Variants in CFAP77 observed in about 807,000 individuals in gnomAD.
CFAP77 encodes the protein cilia- and flagella-associated protein 77.
In CFAP77, 25 loss-of-function variants were observed where a neutral mutation model predicts 31.1. The ratio of observed to expected loss-of-function variants is 0.80; its 90% confidence interval spans 0.59 to 1.12. The LOEUF (loss-of-function observed/expected upper bound fraction) is 1.12. Among genes scored for constraint, CFAP77 ranks in the 50% most tolerant of loss-of-function variants. CFAP77 has a pLI of 0.00. For missense variants in CFAP77, 377 were observed against 397.3 expected, an observed-to-expected ratio of 0.95 and a Z score of 0.44; for synonymous variants, 151 against 159.9, an observed-to-expected ratio of 0.94 and a Z score of 0.42.
At chr9:132,489,359 G>T (rs1393299039) in intron 1 of CFAP77, among the ~76,000 whole-genome samples, 3 of 152,138 alleles carry the variant, frequency 2.0e-5, no homozygotes. Context: ...TGTGAGTATT[G>T]GGGCGTGGCT....
At chr9:132,485,985 C>CATATATATATATATATAT (rs61265124) in intron 1 of CFAP77, among the ~76,000 whole-genome samples, 1 of 53,572 alleles carries the variant, frequency 1.9e-5, no homozygotes, top group Non-Finnish European at 3.3e-5. Context: ...ACACACACCT[C>CATATATATATATATATAT]ATATATATAT....
rs564390091 is a variant in CFAP77, at chr9:132,468,827, C to T, written c.196-29868C>T. On this transcript the variant is annotated intron_variant, in intron 1 of 5. Coordinates refer to ENST00000393216, the MANE Select transcript of CFAP77 (RefSeq NM_001282957.2). ...CACACACACGCACGCACACACGGCA[C>T]CCATGTGGTCAAGTTTAACTCTCAG... 5.9e-5 allele frequency among the ~76,000 whole-genome samples: 9 copies of T among 151,974 alleles called. No individual in the cohort carries two copies. The South Asian group carries it at 1.9e-3, about 32-fold the overall frequency.
chr9:132,526,616 TA>T (rs1852369853), intron 3 of CFAP77, among the ~76,000 whole-genome samples: 1 of 128,396 alleles, frequency 7.8e-6, no homozygotes, highest in Non-Finnish European at 1.8e-5. Flanking sequence ...GCAAGACTAA[TA>T]AAGAAAAAAA....
Position 132,455,145 on chromosome 9 carries a change from G to A in CFAP77, c.196-43550G>A, listed in dbSNP as rs1850890309. On this transcript the variant is annotated intron_variant, in intron 1 of 5. Transcript: ENST00000393216. The surrounding 1 kb of genome is among the most constrained non-coding windows in gnomAD (Gnocchi z 4.1). ...CCCTTTCCTAGGCTTTATCAGGCCT[G>A]GGACCTTGTTGATGGCAATACCATC... Among the ~76,000 whole-genome samples the A allele has an allele frequency of 6.6e-6, 1 of 152,168 alleles. No homozygotes were observed. The highest frequency in any genetic ancestry group is 1.5e-5 in the Non-Finnish European group (1 of 68,030).
rs199760921 is a variant in CFAP77, at chr9:132,554,935, T to C, written c.732+11888T>C. Among the ~76,000 whole-genome samples, 214 of 132,088 alleles carry C rather than the reference T, an allele frequency of 1.6e-3. No homozygotes were observed. Among genetic ancestry groups the C allele is most frequent in the Non-Finnish European group, 2.2e-3 (136 of 62,754 alleles). The allele number at this position is 132,088 out of a possible 152,430, so 86.7% of individuals were successfully genotyped here. A position where few individuals can be genotyped will look rare whatever the true frequency, so the allele number is the denominator to read the frequency against. ...ATGCATGCATGCATGCATCCATCCA[T>C]CCACCCATCCATCCATCCATCCATC... On this transcript the variant is annotated intron_variant, in intron 5 of 5. Transcript: ENST00000393216. This position sits in a 1 kb window ranked among gnomAD's most constrained non-coding sequence, Gnocchi z 4.1.
chr9:132,486,020 A>ATGTATG (rs1252191825), intron 1 of CFAP77, among the ~76,000 whole-genome samples: 1 of 43,066 alleles, frequency 2.3e-5, no homozygotes, highest in Non-Finnish European at 3.7e-5. Flanking sequence ...ATATATATAT[A>ATGTATG]TATATATATA....
intron 1 of CFAP77, among the ~76,000 whole-genome samples, chr9:132,415,627 A>G (rs1850083007): frequency 6.6e-6 from 1 of 152,222 alleles, no homozygotes; most frequent in African/African-American, 2.4e-5. Context: ...CCTCCAGGAA[A>G]AATTCTGAGG....
intron 1 of CFAP77, among the ~76,000 whole-genome samples, chr9:132,486,216 C>A (rs1851555918): frequency 6.8e-6 from 1 of 148,116 alleles, no homozygotes; most frequent in South Asian, 2.1e-4. Context: ...CCTCAGCCTC[C>A]CGAGTAGCTG....
intron 1 of CFAP77, among the ~76,000 whole-genome samples, chr9:132,438,856 G>T: frequency 6.7e-6 from 1 of 150,030 alleles, no homozygotes; most frequent in African/African-American, 2.4e-5. Flanking sequence ...TTTGTTTCTT[G>T]TTTTTTCTTT....
intron 3 of CFAP77, among the ~76,000 whole-genome samples, chr9:132,524,712 G>C (rs1249546229): frequency 2.0e-5 from 3 of 151,746 alleles, no homozygotes; most frequent in Non-Finnish European, 2.9e-5. Context: ...GCAGTGGCGT[G>C]ATCTCGGCTC....
intron 1 of CFAP77, among the ~76,000 whole-genome samples, chr9:132,432,595 G>C (rs1165940006): frequency 6.6e-6 from 1 of 150,798 alleles, no homozygotes; most frequent in East Asian, 2.0e-4. Flanking sequence ...GCAGTGGTGC[G>C]ATCTTAGCTC....
At chr9:132,411,526 CA>C (rs1429455033) in intron 1 of CFAP77, among the ~76,000 whole-genome samples, 1 of 152,206 alleles carries the variant, frequency 6.6e-6, no homozygotes, top group African/African-American at 2.4e-5. Flanking sequence ...GCGCAGGCTG[CA>C]CCTGGGGGAG....
At chr9:132,560,663 A>T (rs1002444670) in intron 5 of CFAP77, among the ~76,000 whole-genome samples, 1 of 152,188 alleles carries the variant, frequency 6.6e-6, no homozygotes, top group Admixed American at 6.5e-5. Flanking sequence ...ACAGCTCTGC[A>T]TTCCAGTTGG....
intron 3 of CFAP77, among the ~76,000 whole-genome samples, chr9:132,509,927 A>G (rs923357962): frequency 2.0e-5 from 3 of 152,068 alleles, no homozygotes; most frequent in African/African-American, 7.2e-5. Flanking sequence ...TCCCTCCCCA[A>G]ACTCCTGCTG....
At position 132,459,805 on chromosome 9, in the gene CFAP77, GTGTA is replaced by G. The variant is rs758359498; in HGVS notation, c.196-38886_196-38883del. Among the ~76,000 whole-genome samples, 7 of 150,470 alleles carry G rather than the reference GTGTA, an allele frequency of 4.7e-5. No homozygotes were observed. In the East Asian group the frequency reaches 9.8e-4, roughly 21 times the overall value. On this transcript the variant is annotated intron_variant, in intron 1 of 5. Coordinates refer to ENST00000393216, the MANE Select transcript of CFAP77 (RefSeq NM_001282957.2). ...GCGTGTGTGTATGTGAGAGCGATGT[GTGTA>G]TGTGTGTGTATGAGTGTGCGTATGT...
chr9:132,566,174 G>A (rs373152631), intron 5 of CFAP77, among the ~76,000 whole-genome samples: 2 of 152,212 alleles, frequency 1.3e-5, no homozygotes, highest in Non-Finnish European at 1.5e-5. Flanking sequence ...TGCTTGGAGA[G>A]GGGGGAGCGT....
chr9:132,429,211 G>A (rs1388714743), intron 1 of CFAP77, among the ~76,000 whole-genome samples: 1 of 151,756 alleles, frequency 6.6e-6, no homozygotes, highest in Non-Finnish European at 1.5e-5. Context: ...TTTCTTCTGA[G>A]TATGGAAATA....
intron 1 of CFAP77, among the ~76,000 whole-genome samples, chr9:132,443,810 G>A (rs2131705222): frequency 6.6e-6 from 1 of 152,336 alleles, no homozygotes; most frequent in East Asian, 1.9e-4. Flanking sequence ...CATGCATGGG[G>A]CTTCTGGCCA....
chr9:132,505,541 G>A (rs947834518), intron 3 of CFAP77, among the ~76,000 whole-genome samples: 1 of 152,020 alleles, frequency 6.6e-6, no homozygotes, highest in Admixed American at 6.6e-5. Context: ...TCAGTCCTGG[G>A]GCTGTGGCTA....
Sources: allele counts gnomAD v4.1 joint callset (sites outside exome capture counted in the v4.1 genomes callset), GRCh38; gene constraint gnomAD v4.1.1; non-coding constraint Gnocchi (gnomAD v3.1); transcripts MANE v1.5; gene names NCBI Gene and HGNC (gene_info 2026-07-23, HGNC 2026-07-21).